COLEC12: variants seen among roughly 807,000 people sequenced by gnomAD.
The protein encoded by COLEC12 is collectin subfamily member 12, also known as collectin-12.
A neutral mutation model predicts 71.1 loss-of-function variants in COLEC12; 33 were observed. That is an observed-to-expected ratio of 0.46 (90% confidence interval 0.35 to 0.62). The LOEUF is 0.62. COLEC12 is among the 20% of genes least tolerant of loss of function. COLEC12 has a pLI of 0.00. For missense variants in COLEC12, 765 were observed against 916.1 expected, an observed-to-expected ratio of 0.84 and a Z score of 2.13; for synonymous variants, 350 against 353.0, an observed-to-expected ratio of 0.99 and a Z score of 0.10.
chr18:491,815 G>A (rs528503578), intron 1 of COLEC12, among the ~76,000 whole-genome samples: 1 of 152,318 alleles, frequency 6.6e-6, no homozygotes, highest in Admixed American at 6.5e-5. Context: ...AAAAACTGAA[G>A]AAAGGTGTCC....
chr18:432,898 GAC>G (rs1204376517), intron 2 of COLEC12, among the ~76,000 whole-genome samples: 2 of 152,170 alleles, frequency 1.3e-5, no homozygotes, highest in African/African-American at 4.8e-5. Flanking sequence ...AAACTGTGCT[GAC>G]AGTTTTATTA....
chr18:358,119 G>A (rs541110215), intron 2 of COLEC12, among the ~76,000 whole-genome samples: 10 of 152,028 alleles, frequency 6.6e-5, no homozygotes, highest in Non-Finnish European at 1.3e-4. Flanking sequence ...ACCATCTCCC[G>A]CCCCCTGTCC....
At chr18:341,206 ATTCAT>A (rs1914245383) in intron 5 of COLEC12, among the ~76,000 whole-genome samples, 2 of 152,174 alleles carry the variant, frequency 1.3e-5, no homozygotes, top group Non-Finnish European at 2.9e-5. Flanking sequence ...CATGTCATCT[ATTCAT>A]GGTGGAAGCA....
At chr18:495,281 A>G (rs1371249971) in intron 1 of COLEC12, among the ~76,000 whole-genome samples, 1 of 152,210 alleles carries the variant, frequency 6.6e-6, no homozygotes, top group Non-Finnish European at 1.5e-5. Flanking sequence ...TAAAGAATGA[A>G]CCTTCTATGA....
intron 3 of COLEC12, among the ~76,000 whole-genome samples, chr18:355,074 T>C (rs1041765845): frequency 6.6e-5 from 10 of 151,962 alleles, no homozygotes; most frequent in Non-Finnish European, 1.3e-4. Flanking sequence ...CATCCATCCA[T>C]CCATCCATCC....
At chr18:466,214 T>C (rs765251190) in intron 2 of COLEC12, among the ~76,000 whole-genome samples, 15 of 152,212 alleles carry the variant, frequency 9.9e-5, no homozygotes, top group Non-Finnish European at 7.3e-5. Flanking sequence ...CACTCCAGCC[T>C]GGGCGACAGA....
chr18:367,519 A>C (rs558824154), intron 2 of COLEC12, among the ~76,000 whole-genome samples: 18 of 152,328 alleles, frequency 1.2e-4, no homozygotes, highest in African/African-American at 4.1e-4. Flanking sequence ...AAGACACTTA[A>C]AATTAAGGGA....
chr18:343,573 T>C (rs550769996), intron 5 of COLEC12, among the ~76,000 whole-genome samples: 2 of 152,146 alleles, frequency 1.3e-5, no homozygotes, highest in East Asian at 3.9e-4. Context: ...AACACCTTGC[T>C]TAAAACCTCC....
At position 480,690 on chromosome 18, in the gene COLEC12, G is replaced by A; in HGVS notation, c.58+17C>T. Reference sequence around the variant, plus strand: ...AGGTTGACCACTGAGAAGGAACACAGCTTTGTTAGGACTCACCAAACCGCT... The same window carrying A: ...AGGTTGACCACTGAGAAGGAACACAACTTTGTTAGGACTCACCAAACCGCT... On this transcript the variant is annotated intron_variant, in intron 2 of 9. Transcript: ENST00000400256. The surrounding 1 kb of genome is among the most constrained non-coding windows in gnomAD (Gnocchi z 4.1). 1 of 1,612,190 alleles carries A rather than the reference G, an allele frequency of 6.2e-7. No homozygotes were observed. The highest frequency in any genetic ancestry group is 8.5e-7 in the Non-Finnish European group (1 of 1,178,228).
intron 2 of COLEC12, among the ~76,000 whole-genome samples, chr18:455,580 C>T (rs957851715): frequency 5.9e-5 from 9 of 152,224 alleles, no homozygotes; most frequent in Non-Finnish European, 2.9e-5. Flanking sequence ...CTGCACCCAT[C>T]AACCCATCAT....
At chr18:464,914 C>A (rs1917056382) in intron 2 of COLEC12, among the ~76,000 whole-genome samples, 1 of 152,188 alleles carries the variant, frequency 6.6e-6, no homozygotes, top group Non-Finnish European at 1.5e-5. Flanking sequence ...AGCACCAAGG[C>A]TGGGGGTGAC....
intron 2 of COLEC12, among the ~76,000 whole-genome samples, chr18:418,996 C>G (rs2846658): frequency 6.6e-6 from 1 of 151,980 alleles, no homozygotes; most frequent in Admixed American, 6.5e-5. Context: ...ACCTCTGCCC[C>G]CATTGGTAGT....
intron 2 of COLEC12, among the ~76,000 whole-genome samples, chr18:471,674 G>A (rs951307417): frequency 1.3e-5 from 2 of 150,888 alleles, no homozygotes; most frequent in African/African-American, 2.4e-5. Flanking sequence ...ATAAATTGTT[G>A]CTTTTTAATA....
In COLEC12 at chr18:348,069, T is replaced by G. The variant is rs769760804; in HGVS notation, c.276A>C (p.Lys92Asn). 2 of 1,610,238 alleles carry G rather than the reference T, an allele frequency of 1.2e-6. No individual in the cohort carries two copies. Among genetic ancestry groups the G allele is most frequent in the Admixed American group, 3.3e-5 (2 of 59,912 alleles). ...KLTAVESDLK[K>N]LGDQTGKKAI... ...TTTAGTCTTGTCACAGATTACCTAA[T>G]TTTTTCAGGTCACTTTCCACTGCTG... Residue 92 changes from lysine (K) to asparagine (N), a missense_variant, in exon 4 of 10, where the codon AAA becomes AAC. By Grantham distance (94) the Lys-to-Asn change is moderately conservative. Transcript: ENST00000400256.
intron 2 of COLEC12, among the ~76,000 whole-genome samples, chr18:414,293 CA>C (rs1915946858): frequency 6.6e-6 from 1 of 151,982 alleles, no homozygotes; most frequent in Non-Finnish European, 1.5e-5. Context: ...AATAAATGAA[CA>C]AAAACCAAAC....
intron 2 of COLEC12, among the ~76,000 whole-genome samples, chr18:436,023 G>A (rs907709658): frequency 2.6e-5 from 4 of 152,162 alleles, no homozygotes; most frequent in African/African-American, 9.7e-5. Flanking sequence ...CAGAATCTGT[G>A]ACTAATGGGC....
chr18:452,507 C>G (rs546381401), intron 2 of COLEC12, among the ~76,000 whole-genome samples: 29 of 152,314 alleles, frequency 1.9e-4, no homozygotes, highest in Middle Eastern at 3.4e-3. Flanking sequence ...GGAACCCCCT[C>G]TTCAGCAGAA....
intron 2 of COLEC12, among the ~76,000 whole-genome samples, chr18:421,012 C>T (rs1310723325): frequency 6.6e-6 from 1 of 152,202 alleles, no homozygotes; most frequent in African/African-American, 2.4e-5. Flanking sequence ...ACTAGCCGTT[C>T]CTAACCTGTT....
intron 2 of COLEC12, among the ~76,000 whole-genome samples, chr18:437,574 T>C (rs753788649): frequency 6.6e-6 from 1 of 152,202 alleles, no homozygotes; most frequent in Non-Finnish European, 1.5e-5. Flanking sequence ...TGATGGCTGG[T>C]TGAGTTATGT....
Sources: allele counts gnomAD v4.1 joint callset (sites outside exome capture counted in the v4.1 genomes callset), GRCh38; gene constraint gnomAD v4.1.1; non-coding constraint Gnocchi (gnomAD v3.1); transcripts MANE v1.5; gene names NCBI Gene and HGNC (gene_info 2026-07-23, HGNC 2026-07-21).